TMEM38B: variants seen among roughly 807,000 people sequenced by gnomAD.
The protein encoded by TMEM38B is transmembrane protein 38B, also known as trimeric intracellular cation channel type B.
A neutral mutation model predicts 28.7 loss-of-function variants in TMEM38B; 24 were observed. The observed-to-expected ratio is 0.84, with a 90% CI of 0.61 to 1.18. TMEM38B has a LOEUF of 1.18. Ranked by LOEUF, TMEM38B falls within the 50% of genes most tolerant of loss-of-function variation. TMEM38B has a pLI of 0.00. For synonymous variants in TMEM38B, 131 were observed against 127.7 expected (o/e 1.03, Z -0.17); for missense variants, 380 against 350.9 (o/e 1.08, Z -0.66).
At chr9:105,728,449 T>C (rs889885728) in intron 4 of TMEM38B, among the ~76,000 whole-genome samples, 1 of 152,222 alleles carries the variant, frequency 6.6e-6, no homozygotes, top group Admixed American at 6.5e-5. Context: ...TGCATAATAT[T>C]CCATGGTGTA....
intron 1 of TMEM38B, among the ~76,000 whole-genome samples, chr9:105,699,371 A>G (rs572189945): frequency 1.3e-5 from 2 of 152,132 alleles, no homozygotes; most frequent in Non-Finnish European, 2.9e-5. Flanking sequence ...TGTAATTCTC[A>G]TATATCCTAC....
intron 5 of TMEM38B, among the ~76,000 whole-genome samples, chr9:105,756,106 G>A (rs1425786068): frequency 1.3e-5 from 2 of 152,086 alleles, no homozygotes; most frequent in East Asian, 1.9e-4. Flanking sequence ...CCGAGATCGC[G>A]CCATTGCACT....
intron 4 of TMEM38B, among the ~76,000 whole-genome samples, chr9:105,730,386 A>C (rs532087038): frequency 6.6e-6 from 1 of 152,280 alleles, no homozygotes; most frequent in Admixed American, 6.5e-5. Flanking sequence ...TGATTTGCGT[A>C]TGTTGAACCA....
At chr9:105,765,635 A>C (rs1233841457) in intron 5 of TMEM38B, among the ~76,000 whole-genome samples, 3 of 152,134 alleles carry the variant, frequency 2.0e-5, no homozygotes, top group African/African-American at 7.2e-5. Context: ...CCATGTAATT[A>C]CATATTCCTG....
At chr9:105,700,618 G>T (rs1472969364) in intron 1 of TMEM38B, among the ~76,000 whole-genome samples, 1 of 152,204 alleles carries the variant, frequency 6.6e-6, no homozygotes, top group African/African-American at 2.4e-5. Flanking sequence ...ACTTGACATG[G>T]TTATTTTCTC....
At chr9:105,753,723 C>T (rs1400634741) in intron 5 of TMEM38B, among the ~76,000 whole-genome samples, 1 of 151,878 alleles carries the variant, frequency 6.6e-6, no homozygotes, top group Non-Finnish European at 1.5e-5. Flanking sequence ...CACTGAAGCA[C>T]AGACCAGTGA....
At chr9:105,711,293 T>C (rs548667773) in intron 2 of TMEM38B, among the ~76,000 whole-genome samples, 44 of 151,982 alleles carry the variant, frequency 2.9e-4, no homozygotes, top group African/African-American at 9.9e-4. Flanking sequence ...TTACAAAAAT[T>C]AGCTGAGCGT....
At chr9:105,758,711 C>G in intron 5 of TMEM38B, 6 of 741,432 alleles carry the variant, frequency 8.1e-6, no homozygotes, top group South Asian at 7.7e-5. Flanking sequence ...ACATAGAGAA[C>G]TTTTCCAAAG....
At chr9:105,755,528 T>C (rs868624162) in intron 5 of TMEM38B, among the ~76,000 whole-genome samples, 2 of 152,220 alleles carry the variant, frequency 1.3e-5, no homozygotes, top group Admixed American at 6.5e-5. Context: ...TTTTTCAGAA[T>C]TGTTTGACTA....
chr9:105,727,826 C>T (rs576403957), intron 4 of TMEM38B, among the ~76,000 whole-genome samples: 1 of 152,232 alleles, frequency 6.6e-6, no homozygotes, highest in East Asian at 1.9e-4. Context: ...TTATTACCAT[C>T]CTCTTGTGAT....
intron 4 of TMEM38B, among the ~76,000 whole-genome samples, chr9:105,734,631 A>G (rs1216419431): frequency 6.6e-6 from 1 of 152,084 alleles, no homozygotes; most frequent in African/African-American, 2.4e-5. Flanking sequence ...GGGAACATAT[A>G]TATTTATAAT....
chr9:105,698,336 A>G (rs1835355337), intron 1 of TMEM38B, among the ~76,000 whole-genome samples: 1 of 152,150 alleles, frequency 6.6e-6, no homozygotes, highest in African/African-American at 2.4e-5. Flanking sequence ...AGTTTTCTCA[A>G]GAGTGATGTT....
intron 5 of TMEM38B, among the ~76,000 whole-genome samples, chr9:105,772,389 C>G (rs559033499): frequency 6.6e-6 from 1 of 152,166 alleles, no homozygotes; most frequent in African/African-American, 2.4e-5. Flanking sequence ...CTCCTTATCC[C>G]CCCTGGACTT....
At chr9:105,758,582 A>T (rs1419928976) in intron 5 of TMEM38B, 7 of 1,048,786 alleles carry the variant, frequency 6.7e-6, no homozygotes, top group Non-Finnish European at 9.0e-6. Context: ...ATGTAATTGA[A>T]GATATCAAAG....
At chr9:105,696,483 C>T (rs987304466) in intron 1 of TMEM38B, among the ~76,000 whole-genome samples, 1 of 152,060 alleles carries the variant, frequency 6.6e-6, no homozygotes, top group African/African-American at 2.4e-5. Flanking sequence ...GACGGGGTTT[C>T]GCCATGTTGG....
chr9:105,748,692 T>C (rs1837527777), intron 5 of TMEM38B, among the ~76,000 whole-genome samples: 1 of 152,210 alleles, frequency 6.6e-6, no homozygotes, highest in South Asian at 2.1e-4. Context: ...GCCTAGTCCC[T>C]GAATAGGCAA....
intron 5 of TMEM38B, among the ~76,000 whole-genome samples, chr9:105,757,611 A>G (rs1028227271): frequency 1.3e-5 from 2 of 152,234 alleles, no homozygotes; most frequent in African/African-American, 4.8e-5. Flanking sequence ...AAAAACACTG[A>G]GAAGTGTGGG....
At chr9:105,766,083 G>T (rs2133648246) in intron 5 of TMEM38B, among the ~76,000 whole-genome samples, 1 of 152,324 alleles carries the variant, frequency 6.6e-6, no homozygotes, top group East Asian at 1.9e-4. Flanking sequence ...ACAGGCGTGA[G>T]CCACTGTGCC....
chr9:105,750,990 C>T (rs1446959056), intron 5 of TMEM38B, among the ~76,000 whole-genome samples: 3 of 152,138 alleles, frequency 2.0e-5, no homozygotes, highest in Non-Finnish European at 2.9e-5. Context: ...TTATTCCATC[C>T]ATATGTGTGC....
Sources: allele counts gnomAD v4.1 joint callset (sites outside exome capture counted in the v4.1 genomes callset), GRCh38; gene constraint gnomAD v4.1.1; transcripts MANE v1.5; gene names NCBI Gene and HGNC (gene_info 2026-07-23, HGNC 2026-07-21).